CSPP1: variants seen among roughly 807,000 people sequenced by gnomAD.
CSPP1 encodes the protein centrosome and spindle pole associated protein 1.
CSPP1 carries 126 observed loss-of-function variants against 164.4 expected under a neutral mutation model. The observed-to-expected ratio is 0.77, with a 90% CI of 0.66 to 0.89. The LOEUF (loss-of-function observed/expected upper bound fraction) is 0.89, where lower values mean the gene tolerates loss of function less well. Ranked by LOEUF, CSPP1 falls within the 40% of genes least tolerant of loss-of-function variation. The pLI, the probability that CSPP1 is intolerant of heterozygous loss-of-function variation, is 0.00. For synonymous variants in CSPP1, 472 were observed against 476.7 expected, an observed-to-expected ratio of 0.99 and a Z score of 0.13; for missense variants, 1,395 against 1,449.8, an observed-to-expected ratio of 0.96 and a Z score of 0.61.
intron 4 of CSPP1, chr8:67,086,346 T>C (rs1810403724): frequency 1.9e-6 from 1 of 532,398 alleles, no homozygotes; most frequent in Admixed American, 2.9e-5. Context: ...CAGTGGATTC[T>C]AATTTTAAGT....
intron 17 of CSPP1, 127 bp downstream of exon 17, chr8:67,137,730 T>A (rs1221911879): frequency 6.7e-6 from 3 of 447,182 alleles, no homozygotes; most frequent in Non-Finnish European, 1.2e-5. Flanking sequence ...ACTTAATGCA[T>A]ATGAGGTATT....
chr8:67,065,018 A>G (rs1051000183), intron 1 of CSPP1: 1 of 154,562 alleles, frequency 6.5e-6, no homozygotes, highest in Non-Finnish European at 1.4e-5. Context: ...CTTGGTTCCC[A>G]TGCGCCTTCT....
At chr8:67,068,376 A>G (rs1366229867) in intron 1 of CSPP1, among the ~76,000 whole-genome samples, 1 of 152,216 alleles carries the variant, frequency 6.6e-6, no homozygotes, top group Admixed American at 6.5e-5. Context: ...ACTGTTTATC[A>G]TCTACATACT....
intron 3 of CSPP1, among the ~76,000 whole-genome samples, chr8:67,078,347 A>T (rs74516171): frequency 1.9e-3 from 289 of 151,794 alleles, no homozygotes; most frequent in African/African-American, 6.7e-3. Flanking sequence ...TCTCCTTAAC[A>T]TCTTTTTTTT....
rs527442968 is a variant in CSPP1 at position 67,086,646 on chromosome 8, G to A, written c.303+536G>A. Among the ~76,000 whole-genome samples, 37 of 152,010 alleles carry A rather than the reference G, an allele frequency of 2.4e-4. 1 individual carries two copies. In the South Asian group the frequency reaches 7.0e-3, roughly 29 times the overall value. On this transcript the variant is annotated intron_variant, in intron 4 of 30. Transcript: ENST00000678616. ...GGTTTATTGTAAGTTTTAAATTTAG[G>A]TTATAAAATTATTTTAAACAATTAT...
At chr8:67,131,916 A>G (rs766078642) in intron 15 of CSPP1, 35 bp from the exon 16 acceptor site, 25 of 1,543,010 alleles carry the variant, frequency 1.6e-5, no homozygotes, top group South Asian at 3.7e-5. Flanking sequence ...TTTGTCGTCA[A>G]TGGATTTAAA....
intron 12 of CSPP1, among the ~76,000 whole-genome samples, chr8:67,115,463 T>C (rs1817734036): frequency 6.6e-6 from 1 of 152,154 alleles, no homozygotes; most frequent in Admixed American, 6.5e-5. Flanking sequence ...TCGGATCACT[T>C]GAGGCCAGGA....
intron 17 of CSPP1, among the ~76,000 whole-genome samples, chr8:67,140,753 C>T (rs1289407046): frequency 1.3e-5 from 2 of 152,206 alleles, no homozygotes; most frequent in East Asian, 3.8e-4. Flanking sequence ...TTGTCCCACT[C>T]TGATGCTGCT....
At position 67,090,209 on chromosome 8, in the gene CSPP1, G is replaced by A. The variant is rs562564781; in HGVS notation, c.304-1594G>A. Among the ~76,000 whole-genome samples, 673 of 152,262 alleles carry A rather than the reference G, an allele frequency of 4.4e-3. 9 individuals are homozygous for A. The highest frequency in any genetic ancestry group is 0.015 in the African/African-American group (638 of 41,550). Reference sequence around the variant, plus strand: ...GTCTTATTTTTTCCTTGTCAGGTAAGTTTAGAGTTCCATACAGCCAACTTT... The same window carrying A: ...GTCTTATTTTTTCCTTGTCAGGTAAATTTAGAGTTCCATACAGCCAACTTT... On this transcript the variant is annotated intron_variant, in intron 4 of 30. Coordinates refer to ENST00000678616, the MANE Select transcript of CSPP1 (RefSeq NM_001382391.1).
Position 67,158,992 on chromosome 8 carries a change from A to C in CSPP1, c.2393A>C (p.Gln798Pro). Residue 798 changes from glutamine to proline, a missense_variant and splice_region_variant, in exon 21 of 31, where the codon CAA (glutamine) becomes CCA (proline). Coordinates refer to ENST00000678616, the MANE Select transcript of CSPP1 (RefSeq NM_001382391.1). ...CATATTTCTCTTTTTATTTTAAAGC[A>C]AAGGCTAAAAAATGAAGAGCATATT... ...QEKKREKEEE[Q>P]RLKNEEHIRL... The C allele has an allele frequency of 6.3e-7, 1 of 1,592,354 alleles. No homozygotes were observed. Among genetic ancestry groups the C allele is most frequent in the Non-Finnish European group, 8.5e-7 (1 of 1,171,616 alleles).
Position 67,195,973 on chromosome 8 carries a change from A to AAAAG in CSPP1, c.*383_*386dup, listed in dbSNP as rs1837862188. 3 of 176,316 alleles carry AAAAG rather than the reference A, an allele frequency of 1.7e-5. No individual in the cohort carries two copies. Among genetic ancestry groups the AAAAG allele is most frequent in the Non-Finnish European group, 3.7e-5 (3 of 82,182 alleles). The allele number at this position is 176,316 out of a possible 1,614,324, so 10.9% of individuals were successfully genotyped here. ...ACATTTTCCATTGTTACCTCGATGC[A>AAAAG]AAAGAATTCATTTAGTAGGTACATC... On this transcript the variant is annotated 3_prime_UTR_variant, in exon 31 of 31. Transcript: ENST00000678616.
chr8:67,193,455 T>TAACTA lies in CSPP1; in HGVS notation c.3331-8_3331-4dup. 6.2e-7 allele frequency: 1 copy of TAACTA among 1,607,058 alleles called. No homozygotes were observed. The highest frequency in any genetic ancestry group is 8.5e-7 in the Non-Finnish European group (1 of 1,175,784). Reference sequence around the variant, plus strand: ...AATGACTTTCTGAAGTTCTGTTTTCTAACTACAGGATAGCAGTCGTCCTAA... The same window carrying TAACTA: ...AATGACTTTCTGAAGTTCTGTTTTCTAACTAAACTACAGGATAGCAGTCGTCCTAA... On this transcript the variant is annotated splice_polypyrimidine_tract_variant and intron_variant, in intron 29 of 30. Transcript: ENST00000678616.
intron 25 of CSPP1, 38 bp downstream of exon 25, chr8:67,172,593 G>T (rs1830685740): frequency 6.4e-7 from 1 of 1,560,308 alleles, no homozygotes; most frequent in African/African-American, 1.4e-5. Context: ...TGTAGCAGAA[G>T]TGTTCTACCC....
intron 9 of CSPP1, among the ~76,000 whole-genome samples, chr8:67,108,023 G>A (rs1226350175): frequency 8.0e-6 from 1 of 124,550 alleles, no homozygotes; most frequent in South Asian, 2.5e-4. Context: ...TCAGAATATA[G>A]TCTGTCTTGG....
At position 67,159,950 on chromosome 8, in the gene CSPP1, C is replaced by T. The variant is rs1164739673; in HGVS notation, c.2538+813C>T. On this transcript the variant is annotated intron_variant, in intron 21 of 30. Transcript: ENST00000678616. ...CTTTCCTTCCTTCCTTCCTTCCTTC[C>T]TTCCTTCTTTCTTTTCTTTTCTTTT... 6.1e-3 allele frequency among the ~76,000 whole-genome samples: 167 copies of T among 27,444 alleles called. 4 individuals are homozygous for T. The highest frequency in any genetic ancestry group is 0.026 in the Middle Eastern group (1 of 38). The allele number at this position is 27,444 out of a possible 152,430, so 18.0% of individuals were successfully genotyped here.
At chr8:67,145,180 T>C (rs2129556881) in intron 17 of CSPP1, among the ~76,000 whole-genome samples, 1 of 152,292 alleles carries the variant, frequency 6.6e-6, no homozygotes, top group East Asian at 1.9e-4. Context: ...TTATTTCTTA[T>C]GTGAGCTTTG....
intron 17 of CSPP1, among the ~76,000 whole-genome samples, chr8:67,144,768 T>G (rs948326942): frequency 6.6e-6 from 1 of 152,092 alleles, no homozygotes; most frequent in African/African-American, 2.4e-5. Context: ...TTTTTCTGTG[T>G]TTAGAATTCA....
In CSPP1 at chr8:67,154,034, A is replaced by G; in HGVS notation, c.2139A>G (p.Gln713=). 1 of 1,586,288 alleles carries G rather than the reference A, an allele frequency of 6.3e-7. No homozygotes were observed. The highest frequency in any genetic ancestry group is 8.6e-7 in the Non-Finnish European group (1 of 1,156,470). ...DAANKSSGHM[Q]TQSSPFARGN... is the part of the protein sequence containing the mutation. Reference sequence around the variant, plus strand: ...AATATTTCTTTCAAGGTCATATGCAAACACAGAGCTCTCCTTTTGCTCGGG... The same window carrying G: ...AATATTTCTTTCAAGGTCATATGCAGACACAGAGCTCTCCTTTTGCTCGGG... Residue 713 remains glutamine (Q), a synonymous_variant, in exon 19 of 31, where the codon CAA becomes CAG. Transcript: ENST00000678616.
chr8:67,171,087 ATTT>A (rs765450150), intron 24 of CSPP1, among the ~76,000 whole-genome samples: 2 of 120,832 alleles, frequency 1.7e-5, no homozygotes. Context: ...TGCCCGGCCA[ATTT>A]TTTTTTTTTT....
Sources: gnomAD v4.1 joint callset for allele counts (sites outside exome capture counted in the v4.1 genomes callset) on GRCh38, gnomAD v4.1.1 for gene constraint, MANE v1.5 for transcripts, NCBI Gene and HGNC (gene_info 2026-07-23, HGNC 2026-07-21) for gene names.